Variants in ENPP3 observed in about 807,000 individuals in gnomAD.
ENPP3 encodes ectonucleotide pyrophosphatase/phosphodiesterase 3.
ENPP3 carries 104 observed loss-of-function variants against 117.8 expected under a neutral mutation model. The observed-to-expected ratio is 0.88, with a 90% CI of 0.75 to 1.04. The LOEUF (loss-of-function observed/expected upper bound fraction) is 1.04. Ranked by LOEUF, ENPP3 falls within the 50% of genes least tolerant of loss-of-function variation. The pLI is 0.00. For missense variants in ENPP3, 1,026 were observed against 1,051.9 expected, an observed-to-expected ratio of 0.98 and a Z score of 0.34; for synonymous variants, 380 against 349.9, an observed-to-expected ratio of 1.09 and a Z score of -0.96.
rs571842249 is a variant in ENPP3 at position 131,666,311 on chromosome 6, GATT to G, written c.563-4934_563-4932del. ...TCATTGTCTTTGACTTTTGACATTT[GATT>G]ATAATATGTCTTAGTGTGGATTTCT... is the stretch of plus-strand genomic sequence containing the variant. On this transcript the variant is annotated intron_variant, in intron 6 of 24. Coordinates refer to ENST00000357639, the MANE Select transcript of ENPP3 (RefSeq NM_005021.5). 3.3e-3 allele frequency among the ~76,000 whole-genome samples: 494 copies of G among 151,680 alleles called. 3 individuals carry two copies. The highest frequency in any genetic ancestry group is 0.011 in the African/African-American group (444 of 41,442).
At chr6:131,717,346 C>CGGG (rs1183549477) in intron 15 of ENPP3, among the ~76,000 whole-genome samples, 1 of 91,236 alleles carries the variant, frequency 1.1e-5, no homozygotes, top group East Asian at 3.4e-4. Context: ...AGAAACCCTG[C>CGGG]GGGGGGTGTG....
intron 11 of ENPP3, among the ~76,000 whole-genome samples, chr6:131,678,925 CTT>C: frequency 1.4e-5 from 1 of 69,610 alleles, no homozygotes; most frequent in African/African-American, 1.3e-4. Context: ...TTCTTTCTTT[CTT>C]TCTTTCTTTC....
rs200254628 is a variant in ENPP3 at position 131,675,115 on chromosome 6, C to T, written c.798C>T (p.Ala266=). 3.7e-5 allele frequency: 59 copies of T among 1,613,694 alleles called. No individual in the cohort carries two copies. The East Asian group carries it at 6.0e-4, about 16-fold the overall frequency. ...CAGCAATGTATCAAGGTTTAAAAGCCGCTACCTACTTTTGGCCCGGATCAG... is the reference window on the plus strand; with the variant it reads ...CAGCAATGTATCAAGGTTTAAAAGCTGCTACCTACTTTTGGCCCGGATCAG... ...WLTAMYQGLK[A]ATYFWPGSEV... is the part of the protein sequence containing the mutation. Residue 266 remains alanine, a synonymous_variant, in exon 9 of 25, where the codon GCC becomes GCT. Coordinates refer to ENST00000357639, the MANE Select transcript of ENPP3 (RefSeq NM_005021.5).
At chr6:131,698,232 C>G (rs1293022070) in intron 15 of ENPP3, among the ~76,000 whole-genome samples, 2 of 151,060 alleles carry the variant, frequency 1.3e-5, no homozygotes, top group Non-Finnish European at 2.9e-5. Context: ...TTCTAGGACA[C>G]AAAACACCGG....
intron 6 of ENPP3, among the ~76,000 whole-genome samples, chr6:131,662,525 G>A (rs1017861362): frequency 1.3e-5 from 2 of 152,140 alleles, no homozygotes; most frequent in Admixed American, 6.5e-5. Context: ...GTGAGCCACT[G>A]TGCCCAGCCT....
Position 131,746,768 on chromosome 6 carries a change from T to C in ENPP3, c.2458-18T>C, listed in dbSNP as rs1780643740. ...TACTGCCTTGTGAAAAAAAAAGTGT[T>C]GTGCTTTTCTTTTTCAGGAAGGTAA... is the stretch of plus-strand genomic sequence containing the variant. On this transcript the variant is annotated intron_variant, in intron 24 of 24. Coordinates refer to ENST00000357639, the MANE Select transcript of ENPP3 (RefSeq NM_005021.5). 6.3e-7 allele frequency: 1 copy of C among 1,585,496 alleles called. No individual in the cohort carries two copies. The highest frequency in any genetic ancestry group is 8.5e-7 in the Non-Finnish European group (1 of 1,171,178).
chr6:131,744,245 CT>C (rs1780587150), intron 24 of ENPP3, among the ~76,000 whole-genome samples: 1 of 152,094 alleles, frequency 6.6e-6, no homozygotes, highest in African/African-American at 2.4e-5. Context: ...TTCCTTTTCC[CT>C]CCTCCTGTCA....
chr6:131,638,504 A>G (rs1428219931), intron 1 of ENPP3: 1 of 453,800 alleles, frequency 2.2e-6, no homozygotes, highest in South Asian at 1.6e-5. Context: ...CCCAGGCTCA[A>G]GTGATCCTCC....
intron 3 of ENPP3, among the ~76,000 whole-genome samples, chr6:131,650,946 G>C (rs1055607908): frequency 6.6e-6 from 1 of 151,166 alleles, no homozygotes; most frequent in Non-Finnish European, 1.5e-5. Flanking sequence ...TTGAAACAAA[G>C]TCTCACTTTG....
At chr6:131,724,226 T>TAAAAAAAAAAAAAAAAAAAAAAAAAAA (rs397941468) in intron 19 of ENPP3, 135 bp downstream of exon 19, 1 of 343,578 alleles carries the variant, frequency 2.9e-6, no homozygotes, top group African/African-American at 3.6e-5. Context: ...ATACAAAAGG[T>TAAAAAAAAAAAAAAAAAAAAAAAAAAA]AAAAAAAAAA....
rs558966215 is a variant in ENPP3, at chr6:131,652,391, G to A, written c.278-151G>A. 6.6e-5 allele frequency: 53 copies of A among 798,834 alleles called. 2 individuals carry two copies. The South Asian group carries it at 1.1e-3, about 16-fold the overall frequency. 49.5% of individuals were successfully genotyped at this position (798,834 alleles called of 1,614,324 possible). A position where few individuals can be genotyped will look rare whatever the true frequency, so the allele number is the denominator to read the frequency against. ...GGCTAGTGAAGAAAAGTGGTGGTTT[G>A]CCCCTCATTTGGTATTATGTATTTT... On this transcript the variant is annotated intron_variant, in intron 3 of 24. Coordinates refer to ENST00000357639, the MANE Select transcript of ENPP3 (RefSeq NM_005021.5).
intron 17 of ENPP3, 88 bp downstream of exon 17, chr6:131,720,467 G>C: frequency 1.6e-6 from 1 of 628,442 alleles, no homozygotes; most frequent in Non-Finnish European, 2.7e-6. Context: ...GAATCCCAGA[G>C]GCTGGATGCT....
intron 15 of ENPP3, chr6:131,709,746 G>A (rs779872667): frequency 2.5e-6 from 4 of 1,613,936 alleles, no homozygotes; most frequent in Non-Finnish European, 3.4e-6. Flanking sequence ...CAGTGGCATG[G>A]CTGATCTTTT....
At chr6:131,641,652 G>C (rs1585606867) in intron 2 of ENPP3, 122 bp downstream of exon 2, 1 of 613,254 alleles carries the variant, frequency 1.6e-6, no homozygotes. Context: ...TCTGCTTCTA[G>C]ACATCTCCCT....
chr6:131,676,091 T>C (rs1039786130), intron 9 of ENPP3, among the ~76,000 whole-genome samples: 4 of 152,060 alleles, frequency 2.6e-5, no homozygotes, highest in Non-Finnish European at 4.4e-5. Context: ...GCACTGGCTG[T>C]TCACCCTCCC....
chr6:131,716,342 A>G (rs1481071128), intron 15 of ENPP3, among the ~76,000 whole-genome samples: 1 of 152,196 alleles, frequency 6.6e-6, no homozygotes, highest in Non-Finnish European at 1.5e-5. Context: ...TTGGAAATAA[A>G]TAGAAAAGAG....
intron 21 of ENPP3, among the ~76,000 whole-genome samples, chr6:131,735,910 C>T (rs919275642): frequency 2.0e-5 from 3 of 151,968 alleles, no homozygotes; most frequent in Admixed American, 1.3e-4. Context: ...CAGTATTGTA[C>T]GTAGAGTCAA....
At chr6:131,725,775 G>C (rs954550526) in intron 19 of ENPP3, among the ~76,000 whole-genome samples, 4 of 152,100 alleles carry the variant, frequency 2.6e-5, no homozygotes, top group African/African-American at 4.8e-5. Context: ...CCTTGCTTAG[G>C]CTCTTGCTTG....
chr6:131,718,014 C>T (rs531297892), intron 15 of ENPP3, among the ~76,000 whole-genome samples: 4 of 152,256 alleles, frequency 2.6e-5, no homozygotes, highest in Admixed American at 2.6e-4. Flanking sequence ...AAGGCTGTAC[C>T]ATCCAGGCTT....
Sources: gnomAD v4.1 joint callset for allele counts (sites outside exome capture counted in the v4.1 genomes callset) on GRCh38, gnomAD v4.1.1 for gene constraint, MANE v1.5 for transcripts, NCBI Gene and HGNC (gene_info 2026-07-23, HGNC 2026-07-21) for gene names.